The following XNDC1N variants were observed in gnomAD, a reference collection of about 807,000 sequenced individuals.
XNDC1N encodes protein XNDC1N.
the XNDC1N span, among the ~76,000 whole-genome samples, chr11:71,895,003 G>A: frequency 2.6e-5 from 4 of 152,076 alleles, no homozygotes; most frequent in Non-Finnish European, 4.4e-5. Flanking sequence ...GATCCATGTC[G>A]CCATTCTTCA....
chr11:71,927,204 G>A, the XNDC1N span, among the ~76,000 whole-genome samples: 4 of 151,610 alleles, frequency 2.6e-5, no homozygotes, highest in Admixed American at 1.3e-4. Context: ...CAGTTATCAC[G>A]CCACTGCACT....
the XNDC1N span, among the ~76,000 whole-genome samples, chr11:71,901,202 T>A: frequency 6.6e-6 from 1 of 152,154 alleles, no homozygotes; most frequent in Non-Finnish European, 1.5e-5. Context: ...CACAAAGCAG[T>A]CATCAATTCG....
the XNDC1N span, among the ~76,000 whole-genome samples, chr11:71,902,405 A>C: frequency 6.6e-6 from 1 of 152,146 alleles, no homozygotes; most frequent in Non-Finnish European, 1.5e-5. Flanking sequence ...GTTGGCCAGG[A>C]TGGTCTTGAT....
chr11:71,910,182 C>T, the XNDC1N span, among the ~76,000 whole-genome samples: 9 of 152,306 alleles, frequency 5.9e-5, no homozygotes, highest in South Asian at 1.2e-3. Context: ...TGTTCCCAAG[C>T]CACGGACCAA....
At chr11:71,894,005 G>T in the XNDC1N span, 11 of 932,780 alleles carry the variant, frequency 1.2e-5, no homozygotes, top group Non-Finnish European at 1.7e-5. Context: ...AATTCTGTCT[G>T]TGACCCCTCT....
the XNDC1N span, chr11:71,884,466 T>G: frequency 1.2e-6 from 2 of 1,610,246 alleles, no homozygotes; most frequent in South Asian, 2.2e-5. Context: ...CAGACTGAAG[T>G]GCAATGCTGA....
the XNDC1N span, among the ~76,000 whole-genome samples, chr11:71,907,601 TATC>T: frequency 6.6e-6 from 1 of 152,032 alleles, no homozygotes; most frequent in Non-Finnish European, 1.5e-5. Context: ...TTGGGAGTAA[TATC>T]ATCCTCTTCC....
chr11:71,926,444 A>T, the XNDC1N span, among the ~76,000 whole-genome samples: 1 of 152,280 alleles, frequency 6.6e-6, no homozygotes, highest in South Asian at 2.1e-4. Flanking sequence ...CTAAGTAGCA[A>T]GCTCTTTGAG....
At chr11:71,916,139 A>G in the XNDC1N span, 1 of 703,040 alleles carries the variant, frequency 1.4e-6, no homozygotes, top group Non-Finnish European at 2.6e-6. Flanking sequence ...GAGTCCAGAG[A>G]AGAACACACC....
chr11:71,883,873 C>T, the XNDC1N span, among the ~76,000 whole-genome samples: 1 of 152,148 alleles, frequency 6.6e-6, no homozygotes, highest in Non-Finnish European at 1.5e-5. Flanking sequence ...CTTCTGACCC[C>T]TTCTCTCAAT....
the XNDC1N span, chr11:71,884,225 A>G: frequency 4.3e-5 from 27 of 633,998 alleles, no homozygotes; most frequent in South Asian, 8.6e-4. Flanking sequence ...CTCTCTTTAC[A>G]GAAGAAATCA....
chr11:71,868,872 T>C, the XNDC1N span, among the ~76,000 whole-genome samples: 6 of 152,128 alleles, frequency 3.9e-5, no homozygotes, highest in Non-Finnish European at 8.8e-5. Flanking sequence ...CAAATATGTT[T>C]CCCAAGTTGT....
At chr11:71,884,788 A>G in the XNDC1N span, among the ~76,000 whole-genome samples, 1 of 152,200 alleles carries the variant, frequency 6.6e-6, no homozygotes, top group African/African-American at 2.4e-5. Flanking sequence ...TTTCACCCAT[A>G]GTACTATATC....
At chr11:71,911,901 TG>T in the XNDC1N span, among the ~76,000 whole-genome samples, 21 of 152,268 alleles carry the variant, frequency 1.4e-4, no homozygotes, top group Middle Eastern at 3.4e-3. Context: ...CTCAAGCACC[TG>T]ATCTTGGACC....
the XNDC1N span, among the ~76,000 whole-genome samples, chr11:71,871,676 G>C: frequency 6.6e-6 from 1 of 152,064 alleles, no homozygotes; most frequent in Non-Finnish European, 1.5e-5. Flanking sequence ...TTAATAATTT[G>C]TTAATAAATA....
chr11:71,870,973 T>G, the XNDC1N span, among the ~76,000 whole-genome samples: 1 of 152,184 alleles, frequency 6.6e-6, no homozygotes, highest in African/African-American at 2.4e-5. Flanking sequence ...AACTTATAAG[T>G]TTCTGAACAA....
At chr11:71,869,674 G>C in the XNDC1N span, among the ~76,000 whole-genome samples, 2 of 152,092 alleles carry the variant, frequency 1.3e-5, no homozygotes, top group Non-Finnish European at 2.9e-5. Flanking sequence ...TAGATTCCTT[G>C]AATTTGGTTT....
At chr11:71,896,440 T>G in the XNDC1N span, among the ~76,000 whole-genome samples, 1 of 152,374 alleles carries the variant, frequency 6.6e-6, no homozygotes, top group East Asian at 1.9e-4. Flanking sequence ...GATAGTACAG[T>G]ATGAAAATTT....
the XNDC1N span, among the ~76,000 whole-genome samples, chr11:71,914,876 A>C: frequency 6.6e-6 from 1 of 152,200 alleles, no homozygotes; most frequent in Non-Finnish European, 1.5e-5. Flanking sequence ...TTGAAATGAT[A>C]AAGATTTAGA....
Sources: allele counts gnomAD v4.1 joint callset (sites outside exome capture counted in the v4.1 genomes callset), GRCh38; gene constraint gnomAD v4.1.1; transcripts MANE v1.5; gene names NCBI Gene and HGNC (gene_info 2026-07-23, HGNC 2026-07-21).